The following LRIG1 variants were observed in gnomAD, a reference collection of about 807,000 sequenced individuals.
LRIG1 encodes the protein leucine rich repeats and immunoglobulin like domains 1, also known as leucine-rich repeats and immunoglobulin-like domains protein 1.
Under a neutral mutation model 99.2 loss-of-function variants are expected in LRIG1, and 48 were observed. That is an observed-to-expected ratio of 0.48 (90% CI 0.38 to 0.62). The LOEUF (loss-of-function observed/expected upper bound fraction) is 0.62, where lower values mean the gene tolerates loss of function less well. Ranked by LOEUF, LRIG1 falls within the 20% of genes least tolerant of loss-of-function variation. The pLI, the probability that LRIG1 is intolerant of heterozygous loss-of-function variation, is 0.00. For synonymous variants in LRIG1, 772 were observed against 596.1 expected (o/e 1.29, Z -4.30); for missense variants, 1,646 against 1,434.4 (o/e 1.15, Z -2.38).
At chr3:66,397,779 A>G (rs974031810) in intron 11 of LRIG1, among the ~76,000 whole-genome samples, 17 of 152,248 alleles carry the variant, frequency 1.1e-4, no homozygotes, top group African/African-American at 4.1e-4. Flanking sequence ...CCCTGACATA[A>G]TTGAAGGGGT....
At chr3:66,427,074 G>GA (rs891870554) in intron 3 of LRIG1, among the ~76,000 whole-genome samples, 7 of 152,110 alleles carry the variant, frequency 4.6e-5, no homozygotes, top group African/African-American at 7.2e-5. Context: ...AGACTGGGGG[G>GA]AAAAAAAATC....
intron 3 of LRIG1, among the ~76,000 whole-genome samples, chr3:66,428,763 T>C (rs1431631460): frequency 6.6e-6 from 1 of 152,242 alleles, no homozygotes; most frequent in Non-Finnish European, 1.5e-5. Flanking sequence ...ATTGCAGAAA[T>C]TGATCATTTA....
intron 1 of LRIG1, among the ~76,000 whole-genome samples, chr3:66,464,089 T>C (rs920292345): frequency 6.6e-6 from 1 of 152,172 alleles, no homozygotes; most frequent in African/African-American, 2.4e-5. Flanking sequence ...ATCTAGAAAT[T>C]GAGAGAATTC....
chr3:66,426,998 C>T (rs552187530), intron 3 of LRIG1, among the ~76,000 whole-genome samples: 1 of 152,310 alleles, frequency 6.6e-6, no homozygotes, highest in Non-Finnish European at 1.5e-5. Context: ...AAGCGAAATC[C>T]ACATAATAGC....
chr3:66,394,467 T>C (rs1239378913), intron 11 of LRIG1, among the ~76,000 whole-genome samples: 1 of 152,192 alleles, frequency 6.6e-6, no homozygotes, highest in African/African-American at 2.4e-5. Flanking sequence ...TCACGTATCA[T>C]GCTGGGGCTG....
intron 6 of LRIG1, among the ~76,000 whole-genome samples, chr3:66,411,741 A>C (rs935211533): frequency 7.2e-5 from 11 of 152,224 alleles, no homozygotes; most frequent in African/African-American, 2.7e-4. Context: ...GACTGGAAGA[A>C]GAAGGGGCGG....
chr3:66,413,370 C>G (rs1353218333), intron 5 of LRIG1, among the ~76,000 whole-genome samples: 1 of 152,224 alleles, frequency 6.6e-6, no homozygotes, highest in African/African-American at 2.4e-5. Flanking sequence ...GGGTATGACT[C>G]AAGGGGTGAA....
chr3:66,449,537 C>G (rs1199487391), intron 3 of LRIG1, among the ~76,000 whole-genome samples: 3 of 152,310 alleles, frequency 2.0e-5, no homozygotes, highest in Middle Eastern at 3.4e-3. Context: ...GGCCAAGGAA[C>G]AGAAATGTAT....
chr3:66,498,023 T>C (rs1228814175), intron 1 of LRIG1: 8 of 152,182 alleles, frequency 5.3e-5, no homozygotes, highest in Admixed American at 5.2e-4. Context: ...AATTCAGAAG[T>C]CTGAAGTCTA....
intron 3 of LRIG1, among the ~76,000 whole-genome samples, chr3:66,444,188 G>A (rs1365723590): frequency 6.6e-6 from 1 of 152,240 alleles, no homozygotes; most frequent in East Asian, 1.9e-4. Flanking sequence ...CAGGGCTCCT[G>A]CCACGTTGGG....
chr3:66,499,074 A>T (rs1349125737), intron 1 of LRIG1, among the ~76,000 whole-genome samples: 1 of 152,232 alleles, frequency 6.6e-6, no homozygotes, highest in African/African-American at 2.4e-5. Context: ...CGGACTATTT[A>T]AGCTAGGCCT....
At chr3:66,381,736 A>C in intron 16 of LRIG1, 105 bp from the exon 17 acceptor site, 1 of 1,331,854 alleles carries the variant, frequency 7.5e-7, no homozygotes, top group South Asian at 1.4e-5. Flanking sequence ...TTTTTTTAAA[A>C]AGTTCTTCAG....
intron 3 of LRIG1, among the ~76,000 whole-genome samples, chr3:66,427,431 T>G (rs763527309): frequency 2.6e-5 from 4 of 152,068 alleles, no homozygotes; most frequent in Non-Finnish European, 5.9e-5. Context: ...CCTAAGGAGG[T>G]GTACTTTATG....
intron 17 of LRIG1, among the ~76,000 whole-genome samples, 180 bp downstream of exon 17, chr3:66,381,299 T>C (rs2107916938): frequency 6.6e-6 from 1 of 152,246 alleles, no homozygotes; most frequent in Middle Eastern, 3.4e-3. Context: ...CGTAGATTTA[T>C]TTAGGAGAAA....
intron 7 of LRIG1, among the ~76,000 whole-genome samples, chr3:66,408,913 A>AGAGT (rs1258360182): frequency 2.9e-5 from 1 of 34,858 alleles, no homozygotes; most frequent in Admixed American, 3.8e-4. Flanking sequence ...ACTCCAAGTC[A>AGAGT]GTGTGTGTGT....
intron 8 of LRIG1, chr3:66,405,969 C>G: frequency 1.0e-6 from 1 of 995,654 alleles, no homozygotes; most frequent in Non-Finnish European, 1.2e-6. Context: ...GTCACAGTGC[C>G]CAGGCGAGAC....
intron 16 of LRIG1, 30 bp from the exon 17 acceptor site, chr3:66,381,661 C>A (rs771602001): frequency 6.2e-7 from 1 of 1,602,602 alleles, no homozygotes; most frequent in Admixed American, 1.7e-5. Flanking sequence ...CGATTAGAAA[C>A]TCTGGGCTTG....
At chr3:66,381,030 AAACACCAAG>A in intron 17 of LRIG1, 169 bp from the exon 18 acceptor site, 3 of 656,544 alleles carry the variant, frequency 4.6e-6, no homozygotes, top group Non-Finnish European at 7.8e-6. Flanking sequence ...AGGACTGGGC[AAACACCAAG>A]TCACTCATGA....
chr3:66,395,979 C>CA (rs140592358), intron 11 of LRIG1, among the ~76,000 whole-genome samples: 10,743 of 152,338 alleles, frequency 0.071, 482 homozygotes, highest in African/African-American at 0.12. Flanking sequence ...GTGCAGGACA[C>CA]AAGGACATAT....
Sources: allele counts gnomAD v4.1 joint callset (sites outside exome capture counted in the v4.1 genomes callset), GRCh38; gene constraint gnomAD v4.1.1; transcripts MANE v1.5; gene names NCBI Gene and HGNC (gene_info 2026-07-23, HGNC 2026-07-21).